SLC14A2: variants seen among roughly 807,000 people sequenced by gnomAD.
The protein encoded by SLC14A2 is solute carrier family 14 member 2, also known as urea transporter 2.
In SLC14A2, 91 loss-of-function variants were observed where a neutral mutation model predicts 104.6. The ratio of observed to expected loss-of-function variants is 0.87; its 90% CI spans 0.73 to 1.04. The LOEUF (loss-of-function observed/expected upper bound fraction) is 1.04, where lower values mean the gene tolerates loss of function less well. Among genes scored for constraint, SLC14A2 ranks in the 50% least tolerant of loss-of-function variants. The pLI is 0.00. For synonymous variants in SLC14A2, 476 were observed against 466.4 expected (o/e 1.02, Z -0.27); for missense variants, 1,189 against 1,156.0 (o/e 1.03, Z -0.41).
chr18:45,629,866 C>T (rs1222360610), intron 4 of SLC14A2, among the ~76,000 whole-genome samples: 1 of 152,186 alleles, frequency 6.6e-6, no homozygotes, highest in African/African-American at 2.4e-5. Context: ...TTTGATGGGT[C>T]CTACAGTACC....
intron 1 of SLC14A2, among the ~76,000 whole-genome samples, chr18:45,255,276 A>G (rs1188608059): frequency 6.6e-6 from 1 of 151,998 alleles, no homozygotes; most frequent in Non-Finnish European, 1.5e-5. Flanking sequence ...CATCACCTCT[A>G]GTGTCACACC....
At chr18:45,333,575 G>T (rs1001051545) in intron 1 of SLC14A2, among the ~76,000 whole-genome samples, 2 of 152,198 alleles carry the variant, frequency 1.3e-5, no homozygotes, top group Non-Finnish European at 2.9e-5. Flanking sequence ...TCAGTAAATT[G>T]CAATCAGTTA....
At chr18:45,270,390 C>T (rs1005304858) in intron 1 of SLC14A2, among the ~76,000 whole-genome samples, 1 of 152,168 alleles carries the variant, frequency 6.6e-6, no homozygotes, top group Non-Finnish European at 1.5e-5. Flanking sequence ...AGAGAAGCCA[C>T]TTTCTGCTAC....
chr18:45,565,108 G>A (rs935963645), intron 2 of SLC14A2, among the ~76,000 whole-genome samples: 8 of 151,778 alleles, frequency 5.3e-5, no homozygotes, highest in Non-Finnish European at 5.9e-5. Flanking sequence ...GGTGTATTGT[G>A]AGCGTGCATG....
intron 1 of SLC14A2, among the ~76,000 whole-genome samples, chr18:45,294,053 G>A (rs544596427): frequency 2.0e-5 from 3 of 152,316 alleles, no homozygotes; most frequent in African/African-American, 7.2e-5. Flanking sequence ...GGGAAAAATA[G>A]ATACTGTCTT....
chr18:45,240,175 C>A lies in SLC14A2; in HGVS notation c.-125+26984C>A, dbSNP rs572317595. On this transcript the variant is annotated intron_variant, in intron 1 of 20. Coordinates refer to the SLC14A2 transcript ENST00000586448. ...ACAGTGGTGCAATCTCGGCTCACTG[C>A]AACCTCTGCCTCCTGGGTTCAAGCG... 2.1e-5 allele frequency among the ~76,000 whole-genome samples: 3 copies of A among 145,582 alleles called. No homozygotes were observed. The South Asian group carries it at 6.5e-4, about 32-fold the overall frequency.
At chr18:45,478,810 C>G (rs555023241) in intron 1 of SLC14A2, among the ~76,000 whole-genome samples, 1 of 152,060 alleles carries the variant, frequency 6.6e-6, no homozygotes, top group African/African-American at 2.4e-5. Context: ...GTTGCCAAGA[C>G]CAATTAAAGT....
intron 1 of SLC14A2, among the ~76,000 whole-genome samples, chr18:45,423,202 C>T (rs35751700): frequency 0.28 from 43,324 of 152,150 alleles, 7,498 homozygotes; most frequent in Non-Finnish European, 0.39. Flanking sequence ...ATTCCAGCAC[C>T]GTCCTTACAG....
intron 1 of SLC14A2, chr18:45,447,730 T>C (rs1156490776): frequency 2.0e-5 from 3 of 152,226 alleles, no homozygotes; most frequent in African/African-American, 7.2e-5. Context: ...TCTATCTGTA[T>C]TGCCAAGGAG....
At chr18:45,637,346 T>G (rs2045436781) in intron 6 of SLC14A2, among the ~76,000 whole-genome samples, 164 bp downstream of exon 6, 1 of 152,166 alleles carries the variant, frequency 6.6e-6, no homozygotes, top group South Asian at 2.1e-4. Context: ...CATCCATAGA[T>G]CCTTTCAACA....
chr18:45,315,583 T>C (rs1285300696), intron 1 of SLC14A2, among the ~76,000 whole-genome samples: 1 of 152,108 alleles, frequency 6.6e-6, no homozygotes. Flanking sequence ...TAATTATATG[T>C]TGTGTCTCAG....
rs1228820306 is a variant in SLC14A2 at position 45,537,065 on chromosome 18, C to CCCTT, written c.-35+53761_-35+53764dup. The stretch of plus-strand genomic sequence containing the variant: ...TCCCTCCCTCCCTCCCTCCCTCCCT[C>CCCTT]CCTTCCTTCCTTCCTTCCTTCAACA... On this transcript the variant is annotated intron_variant, in intron 2 of 20. Transcript: ENST00000586448. 9.4e-3 allele frequency among the ~76,000 whole-genome samples: 915 copies of CCCTT among 97,396 alleles called. 8 individuals are homozygous for CCCTT. The highest frequency in any genetic ancestry group is 0.016 in the African/African-American group (383 of 24,618). 63.9% of individuals were successfully genotyped at this position (97,396 alleles called of 152,430 possible).
the SLC14A2 span, among the ~76,000 whole-genome samples, chr18:45,181,840 TAA>T: frequency 6.6e-6 from 1 of 152,112 alleles, no homozygotes; most frequent in East Asian, 1.9e-4. Context: ...TTAAGTAGAT[TAA>T]GATAATTTGA....
chr18:45,408,969 G>C (rs756520314), intron 1 of SLC14A2, among the ~76,000 whole-genome samples: 1 of 152,186 alleles, frequency 6.6e-6, no homozygotes, highest in Non-Finnish European at 1.5e-5. Context: ...AATGCTCTGA[G>C]CCTGTGAACT....
At chr18:45,671,227 G>A (rs958891018) in intron 16 of SLC14A2, among the ~76,000 whole-genome samples, 11 of 151,882 alleles carry the variant, frequency 7.2e-5, no homozygotes, top group Non-Finnish European at 1.2e-4. Flanking sequence ...TATAGAAATG[G>A]AAAAAAATGA....
intron 1 of SLC14A2, among the ~76,000 whole-genome samples, chr18:45,311,199 T>G (rs2085075360): frequency 1.3e-5 from 2 of 152,340 alleles, no homozygotes; most frequent in Admixed American, 6.5e-5. Context: ...GTAGCAGCAC[T>G]AAAGCTGAAG....
At chr18:45,423,702 A>G (rs2086381955) in intron 1 of SLC14A2, 1 of 152,236 alleles carries the variant, frequency 6.6e-6, no homozygotes, top group Non-Finnish European at 1.5e-5. Context: ...TGTTAAATAC[A>G]TCATAAATAT....
At chr18:45,312,174 C>T (rs1373828022) in intron 1 of SLC14A2, among the ~76,000 whole-genome samples, 1 of 152,188 alleles carries the variant, frequency 6.6e-6, no homozygotes. Flanking sequence ...GATAGGCCCT[C>T]CATCACTGGG....
intron 11 of SLC14A2, among the ~76,000 whole-genome samples, chr18:45,665,698 T>C (rs886977094): frequency 1.4e-5 from 2 of 138,282 alleles, no homozygotes; most frequent in South Asian, 5.0e-4. Context: ...CTTTTTTTTT[T>C]TTTTTTTTTT....
Sources: gnomAD v4.1 joint callset for allele counts (sites outside exome capture counted in the v4.1 genomes callset) on GRCh38, gnomAD v4.1.1 for gene constraint, MANE v1.5 for transcripts, NCBI Gene and HGNC (gene_info 2026-07-23, HGNC 2026-07-21) for gene names.